The following NCAM1 variants were observed in gnomAD, a reference collection of about 807,000 sequenced individuals.
NCAM1 encodes the protein neural cell adhesion molecule 1.
In NCAM1, 14 loss-of-function variants were observed where a neutral mutation model predicts 109.8. The ratio of observed to expected loss-of-function variants is 0.13; its 90% CI spans 0.08 to 0.20. NCAM1 has a LOEUF of 0.20. NCAM1 is among the 10% of genes least tolerant of loss of function. The pLI, the probability that NCAM1 is intolerant of heterozygous loss-of-function variation, is 1.00. For missense variants in NCAM1, 774 were observed against 1,109.9 expected, an observed-to-expected ratio of 0.70 and a Z score of 4.30; for synonymous variants, 418 against 442.9, an observed-to-expected ratio of 0.94 and a Z score of 0.70.
chr11:113,102,250 A>T (rs143839080), intron 1 of NCAM1, among the ~76,000 whole-genome samples: 2 of 152,300 alleles, frequency 1.3e-5, no homozygotes, highest in African/African-American at 4.8e-5. Flanking sequence ...TGTGTTAAGG[A>T]TTGTCTTACA....
intron 10 of NCAM1, among the ~76,000 whole-genome samples, 163 bp from the exon 11 acceptor site, chr11:113,232,007 T>C (rs1945024979): frequency 6.6e-6 from 1 of 152,174 alleles, no homozygotes; most frequent in African/African-American, 2.4e-5. Context: ...CCTTGAGTCT[T>C]CTTCCCATGC....
At chr11:113,262,647 A>G (rs1316936321) in intron 17 of NCAM1, among the ~76,000 whole-genome samples, 1 of 152,122 alleles carries the variant, frequency 6.6e-6, no homozygotes, top group South Asian at 2.1e-4. Context: ...TGTGTTTTCT[A>G]TAGTTGACCT....
intron 18 of NCAM1, 58 bp downstream of exon 18, chr11:113,270,453 C>T: frequency 6.6e-7 from 1 of 1,522,838 alleles, no homozygotes; most frequent in South Asian, 1.1e-5. Flanking sequence ...CCCAGGGACC[C>T]AGCAGCTGCA....
chr11:113,255,865 T>C lies in NCAM1; in HGVS notation c.1829-12T>C. The C allele has an allele frequency of 6.2e-7, 1 of 1,612,274 alleles. No homozygotes were observed. The highest frequency in any genetic ancestry group is 8.5e-7 in the Non-Finnish European group (1 of 1,179,270). On this transcript the variant is annotated splice_polypyrimidine_tract_variant and intron_variant, in intron 15 of 19. Transcript: ENST00000316851. ...GGATGAGAATTTCATGTGAATTAACTGGCTGTTTCAGGGGAACCCAGTGCA... is the reference window on the plus strand; with the variant it reads ...GGATGAGAATTTCATGTGAATTAACCGGCTGTTTCAGGGGAACCCAGTGCA...
intron 1 of NCAM1, among the ~76,000 whole-genome samples, chr11:113,129,726 G>T (rs1555097968): frequency 1.3e-5 from 2 of 152,148 alleles, no homozygotes; most frequent in African/African-American, 4.8e-5. Flanking sequence ...GCAGGAATGT[G>T]GATTTCAAGA....
At chr11:113,001,618 T>A (rs1489481176) in intron 1 of NCAM1, among the ~76,000 whole-genome samples, 3 of 152,186 alleles carry the variant, frequency 2.0e-5, no homozygotes, top group African/African-American at 7.2e-5. Flanking sequence ...CTGTTGTCCC[T>A]GTTTGTTCTC....
chr11:113,198,018 CA>C lies in NCAM1; in HGVS notation c.53-4360del, dbSNP rs1304078279. On this transcript the variant is annotated intron_variant, in intron 1 of 19. Coordinates refer to ENST00000316851, the MANE Select transcript of NCAM1 (RefSeq NM_181351.5). ...AAAAGAGTTGGCATTCCTTTCAGAA[CA>C]TATCATCAGTTTAAAAAAAAAGACA... 2.0e-5 allele frequency among the ~76,000 whole-genome samples: 3 copies of C among 152,232 alleles called. No homozygotes were observed. The East Asian group carries it at 5.8e-4, about 29-fold the overall frequency.
At chr11:112,998,060 T>A (rs1951645503) in intron 1 of NCAM1, among the ~76,000 whole-genome samples, 1 of 152,134 alleles carries the variant, frequency 6.6e-6, no homozygotes, top group Non-Finnish European at 1.5e-5. Flanking sequence ...CATCCTCAGG[T>A]CCTGGAGTTA....
intron 1 of NCAM1, among the ~76,000 whole-genome samples, chr11:113,037,508 G>C (rs192657815): frequency 1.3e-5 from 2 of 152,280 alleles, no homozygotes; most frequent in African/African-American, 4.8e-5. Flanking sequence ...CGTCTTAGCT[G>C]CAGAGACCCC....
intron 1 of NCAM1, among the ~76,000 whole-genome samples, chr11:113,093,575 A>C (rs1444440615): frequency 6.6e-6 from 1 of 152,092 alleles, no homozygotes; most frequent in Non-Finnish European, 1.5e-5. Context: ...GAGGTTCTTT[A>C]TTCTTAAGCC....
intron 1 of NCAM1, among the ~76,000 whole-genome samples, chr11:113,108,000 T>C (rs1384145467): frequency 1.3e-5 from 2 of 152,224 alleles, no homozygotes; most frequent in Non-Finnish European, 2.9e-5. Context: ...CATTTGGAGA[T>C]AAGTTCCCCC....
chr11:113,264,710 C>T (rs1307621755), intron 17 of NCAM1: 3 of 985,434 alleles, frequency 3.0e-6, no homozygotes, highest in East Asian at 1.1e-4. Flanking sequence ...TTGGAGATCT[C>T]GTCCTAAGTG....
intron 1 of NCAM1, among the ~76,000 whole-genome samples, chr11:113,190,615 A>T (rs1441678487): frequency 1.7e-4 from 26 of 152,186 alleles, no homozygotes; most frequent in Admixed American, 1.7e-3. Context: ...TGTGGGTTCC[A>T]GGGACAGCTT....
At chr11:113,217,452 T>C (rs1944561881) in intron 8 of NCAM1, among the ~76,000 whole-genome samples, 1 of 152,200 alleles carries the variant, frequency 6.6e-6, no homozygotes, top group East Asian at 1.9e-4. Flanking sequence ...TCCATACCTT[T>C]TATCTTTCTG....
intron 1 of NCAM1, among the ~76,000 whole-genome samples, chr11:112,989,857 T>C (rs7106434): frequency 0.46 from 70,594 of 152,144 alleles, 17,580 homozygotes; most frequent in Middle Eastern, 0.63. Context: ...CTACTGTTCA[T>C]CAAGGTTACC....
rs1946053712 is a variant in NCAM1, at chr11:113,263,075, AG to A, written c.2131+2753del. 3.6e-6 allele frequency: 5 copies of A among 1,400,278 alleles called. No individual in the cohort carries two copies. In the South Asian group the frequency reaches 7.0e-5, roughly 19 times the overall value. The allele number at this position is 1,400,278 out of a possible 1,614,324, so 86.7% of individuals were successfully genotyped here. A position where few individuals can be genotyped will look rare whatever the true frequency, so the allele number is the denominator to read the frequency against. On this transcript the variant is annotated intron_variant, in intron 17 of 19. Transcript: ENST00000316851. ...AAGAGAAGGTTTTGTGATTGGAAAA[AG>A]CTTTACCTCCAGACATGTCACCACT...
intron 1 of NCAM1, among the ~76,000 whole-genome samples, chr11:113,074,116 T>C (rs1207729969): frequency 6.6e-6 from 1 of 152,198 alleles, no homozygotes; most frequent in Admixed American, 6.5e-5. Flanking sequence ...TTAAAATTAC[T>C]TTTTGGTGCT....
At chr11:113,010,919 C>T (rs548729650) in intron 1 of NCAM1, among the ~76,000 whole-genome samples, 1 of 152,038 alleles carries the variant, frequency 6.6e-6, no homozygotes, top group East Asian at 1.9e-4. Flanking sequence ...CTGAAGGATT[C>T]ATCATTGGGG....
At chr11:113,067,980 G>A (rs1423530221) in intron 1 of NCAM1, among the ~76,000 whole-genome samples, 3 of 144,808 alleles carry the variant, frequency 2.1e-5, no homozygotes, top group African/African-American at 5.1e-5. Context: ...GCGCAATCTC[G>A]GCTCACTGCA....
Sources: allele counts gnomAD v4.1 joint callset (sites outside exome capture counted in the v4.1 genomes callset), GRCh38; gene constraint gnomAD v4.1.1; transcripts MANE v1.5; gene names NCBI Gene and HGNC (gene_info 2026-07-23, HGNC 2026-07-21).